The following ATP9B variants were observed in gnomAD, a reference collection of about 807,000 sequenced individuals.
The protein encoded by ATP9B is ATPase phospholipid transporting 9B, also known as probable phospholipid-transporting ATPase IIB.
A neutral mutation model predicts 146.1 loss-of-function variants in ATP9B; 110 were observed. That is an observed-to-expected ratio of 0.75 (90% CI 0.65 to 0.88). The LOEUF (loss-of-function observed/expected upper bound fraction) is 0.88, where lower values mean the gene tolerates loss of function less well. Ranked by LOEUF, ATP9B falls within the 40% of genes least tolerant of loss-of-function variation. The pLI is 0.00. For synonymous variants in ATP9B, 604 were observed against 569.7 expected, an observed-to-expected ratio of 1.06 and a Z score of -0.86; for missense variants, 1,499 against 1,496.4, an observed-to-expected ratio of 1.00 and a Z score of -0.03.
intron 1 of ATP9B, chr18:79,087,173 G>A (rs2073916188): frequency 6.6e-6 from 1 of 152,226 alleles, no homozygotes; most frequent in South Asian, 2.1e-4. Context: ...CAGAAGAGCA[G>A]GAGAGAGCAA....
chr18:79,310,039 A>G lies in ATP9B; in HGVS notation c.1773+2805A>G, dbSNP rs146579216. ...CCACAGACAGTGGAAATATGAGCCT[A>G]AAACCCCACTGTTGCTGATCAGCAT... On this transcript the variant is annotated intron_variant, in intron 15 of 29. Transcript: ENST00000426216. 2.4e-3 allele frequency among the ~76,000 whole-genome samples: 369 copies of G among 152,340 alleles called. 1 individual carries two copies. Among genetic ancestry groups the G allele is most frequent in the African/African-American group, 8.0e-3 (332 of 41,584 alleles).
chr18:79,173,815 C>T (rs2095117446), intron 7 of ATP9B: 6 of 451,242 alleles, frequency 1.3e-5, no homozygotes, highest in Non-Finnish European at 2.7e-5. Context: ...TTCTAAACAA[C>T]TTTTAGCTGT....
chr18:79,279,175 A>T (rs1373159469), intron 13 of ATP9B, among the ~76,000 whole-genome samples: 1 of 151,916 alleles, frequency 6.6e-6, no homozygotes, highest in Non-Finnish European at 1.5e-5. Context: ...TGCTTTCCCA[A>T]CGTGGAGAGG....
chr18:79,136,979 GC>G (rs1327934921), intron 5 of ATP9B, among the ~76,000 whole-genome samples: 5 of 152,172 alleles, frequency 3.3e-5, no homozygotes, highest in Admixed American at 3.3e-4. Context: ...GAGGGTAACC[GC>G]CCCATGATTC....
At chr18:79,372,513 G>T (rs1478957238) in intron 26 of ATP9B, 2 of 525,298 alleles carry the variant, frequency 3.8e-6, no homozygotes, top group Non-Finnish European at 7.4e-6. Context: ...CTTTCCCCCT[G>T]GTTCACTGAA....
Position 79,337,454 on chromosome 18 carries a change from T to G in ATP9B, c.2283+5T>G. The G allele has an allele frequency of 6.2e-7, 1 of 1,607,602 alleles. No homozygotes were observed. The highest frequency in any genetic ancestry group is 8.5e-7 in the Non-Finnish European group (1 of 1,179,040). Reference sequence around the variant, plus strand: ...CTGCGCAACGCCGGGATCAAGGTACTGCAGGCTCACCTCTGCTGGCGCGCG... The same window carrying G: ...CTGCGCAACGCCGGGATCAAGGTACGGCAGGCTCACCTCTGCTGGCGCGCG... On this transcript the variant is annotated splice_donor_5th_base_variant and intron_variant, in intron 19 of 29. Transcript: ENST00000426216.
chr18:79,307,328 G>T, intron 15 of ATP9B, 94 bp downstream of exon 15: 1 of 1,553,598 alleles, frequency 6.4e-7, no homozygotes, highest in Non-Finnish European at 8.7e-7. Context: ...GAATATAGAG[G>T]AGCAGTTTAT....
intron 29 of ATP9B, among the ~76,000 whole-genome samples, chr18:79,376,639 C>T (rs1017438289): frequency 1.3e-5 from 2 of 151,922 alleles, no homozygotes; most frequent in Non-Finnish European, 2.9e-5. Flanking sequence ...ATCCACCCAC[C>T]TCAGCCTCGC....
chr18:79,069,604 C>G (rs1028919253), intron 1 of ATP9B, 75 bp downstream of exon 1: 18 of 1,010,488 alleles, frequency 1.8e-5, no homozygotes, highest in East Asian at 3.3e-5. Context: ...GAACCCGGAG[C>G]CGGGCGGGTC....
At chr18:79,208,872 G>A (rs1168873588) in intron 10 of ATP9B, among the ~76,000 whole-genome samples, 2 of 152,182 alleles carry the variant, frequency 1.3e-5, no homozygotes, top group Non-Finnish European at 2.9e-5. Context: ...TGTAGGCCTC[G>A]AGAGGGACCT....
Position 79,307,218 on chromosome 18 carries a change from C to T in ATP9B, c.1757C>T (p.Ala586Val), listed in dbSNP as rs776570191. 2 of 1,614,222 alleles carry T rather than the reference C, an allele frequency of 1.2e-6. No homozygotes were observed. Among genetic ancestry groups the T allele is most frequent in the South Asian group, 2.2e-5 (2 of 91,080 alleles). The change falls in exon 15 of 30, where the codon GCT becomes GTT. Residue 586 changes from alanine (A) to valine (V), a missense_variant. Ala to Val is a moderately conservative substitution (Grantham distance 64, BLOSUM62 0). Transcript: ENST00000426216. ...AGTGATGAGAATCGCACCTACCAGG[C>T]TTCCAGCCCGGATGAGGTCAGTCAA... ...DFSDENRTYQ[A>V]SSPDEVALVQ...
intron 6 of ATP9B, among the ~76,000 whole-genome samples, chr18:79,147,109 AAG>A (rs2094604096): frequency 6.6e-6 from 1 of 152,248 alleles, no homozygotes; most frequent in Admixed American, 6.5e-5. Flanking sequence ...CACAGACAAA[AAG>A]AGATGTTATA....
At chr18:79,232,032 G>A (rs886289573) in intron 11 of ATP9B, among the ~76,000 whole-genome samples, 5 of 151,992 alleles carry the variant, frequency 3.3e-5, no homozygotes, top group Admixed American at 6.6e-5. Flanking sequence ...AGGTGGGCGA[G>A]GGATGAAAGA....
chr18:79,347,855 A>T lies in ATP9B; in HGVS notation c.2768A>T (p.Asn923Ile). 1 of 1,613,848 alleles carries T rather than the reference A, an allele frequency of 6.2e-7. No individual in the cohort carries two copies. Residue 923 changes from asparagine (N) to isoleucine (I), a missense_variant, in exon 24 of 30, where the codon AAC (asparagine) becomes ATC (isoleucine). Asn to Ile is a moderately radical substitution (Grantham distance 149). Transcript: ENST00000426216. ...AGGCTGCTCATGGTGCACGGGCGGA[A>T]CAGCTACAAGAGGTCGGCGGCACTC... Reference protein sequence around the residue: ...IGRLLMVHGRNSYKRSAALGQ... With the variant: ...IGRLLMVHGRISYKRSAALGQ...
At chr18:79,331,729 T>G (rs538461632) in intron 17 of ATP9B, among the ~76,000 whole-genome samples, 1 of 152,286 alleles carries the variant, frequency 6.6e-6, no homozygotes, top group South Asian at 2.1e-4. Flanking sequence ...AAAAAAACTT[T>G]TCAATGATCA....
intron 15 of ATP9B, among the ~76,000 whole-genome samples, chr18:79,316,718 C>T (rs554219838): frequency 1.7e-4 from 26 of 152,230 alleles, no homozygotes; most frequent in Admixed American, 1.0e-3. Context: ...CATATGTTAA[C>T]TTGGCATCAA....
chr18:79,293,433 A>G (rs1278769995), intron 13 of ATP9B, among the ~76,000 whole-genome samples: 1 of 152,072 alleles, frequency 6.6e-6, no homozygotes, highest in Non-Finnish European at 1.5e-5. Flanking sequence ...TAATGGGTGA[A>G]TGGATCAGTG....
intron 10 of ATP9B, chr18:79,209,697 C>G: frequency 1.0e-6 from 1 of 984,228 alleles, no homozygotes; most frequent in Non-Finnish European, 1.2e-6. Context: ...GGCTTTAAAA[C>G]CATCCACTCG....
At chr18:79,133,022 T>C (rs2094400327) in intron 5 of ATP9B, among the ~76,000 whole-genome samples, 1 of 152,220 alleles carries the variant, frequency 6.6e-6, no homozygotes, top group Admixed American at 6.5e-5. Context: ...TTGCTGTTAC[T>C]TTACTTTCTT....
Sources: allele counts gnomAD v4.1 joint callset (sites outside exome capture counted in the v4.1 genomes callset), GRCh38; gene constraint gnomAD v4.1.1; transcripts MANE v1.5; gene names NCBI Gene and HGNC (gene_info 2026-07-23, HGNC 2026-07-21).